Variants in ZFP64 observed in about 807,000 individuals in gnomAD.
ZFP64 encodes ZFP64 zinc finger protein, also known as zinc finger protein 64.
A neutral mutation model predicts 51.6 loss-of-function variants in ZFP64; 14 were observed. The observed-to-expected ratio is 0.27, with a 90% CI of 0.18 to 0.42. The LOEUF is 0.42. Among genes scored for constraint, ZFP64 ranks in the 10% least tolerant of loss-of-function variants. The pLI is 1.00. For missense variants in ZFP64, 754 were observed against 906.8 expected (o/e 0.83, Z 2.16); for synonymous variants, 375 against 361.4 (o/e 1.04, Z -0.43).
chr20:52,183,189 G>A (rs1983733181), intron 2 of ZFP64, among the ~76,000 whole-genome samples: 1 of 152,048 alleles, frequency 6.6e-6, no homozygotes, highest in South Asian at 2.1e-4. Flanking sequence ...ACCCTTTTTT[G>A]TGAAGATTGT....
At chr20:52,096,357 G>A (rs904437288) in intron 7 of ZFP64, among the ~76,000 whole-genome samples, 70 of 152,358 alleles carry the variant, frequency 4.6e-4, no homozygotes, top group Middle Eastern at 3.4e-3. Flanking sequence ...GCGATGCAGA[G>A]AACTACAGCA....
At position 52,163,439 on chromosome 20, in the gene ZFP64, A is replaced by T. The variant is rs143560216; in HGVS notation, c.511+1256T>A. ...TAATAAATATGCTATGGCTTGATGG[A>T]TGAAACTTCAATATATGAAACCCAC... On this transcript the variant is annotated intron_variant, in intron 4 of 5. Coordinates refer to ENST00000216923, the MANE Select transcript of ZFP64 (RefSeq NM_018197.3). 4.3e-3 allele frequency among the ~76,000 whole-genome samples: 662 copies of T among 152,358 alleles called. 8 individuals carry two copies. The highest frequency in any genetic ancestry group is 0.015 in the African/African-American group (627 of 41,588).
At chr20:52,176,869 A>T (rs1028687024) in intron 2 of ZFP64, among the ~76,000 whole-genome samples, 1 of 152,210 alleles carries the variant, frequency 6.6e-6, no homozygotes, top group Non-Finnish European at 1.5e-5. Context: ...TTATGCCTAT[A>T]TCCTTCTAAA....
rs1175890843 is a variant in ZFP64 at position 52,152,988 on chromosome 20, C to A, written c.1204G>T (p.Ala402Ser). The A allele has an allele frequency of 1.2e-6, 2 of 1,613,808 alleles. No homozygotes were observed. Among genetic ancestry groups the A allele is most frequent in the Admixed American group, 1.7e-5 (1 of 60,006 alleles). Residue 402 changes from alanine to serine, a missense_variant, in exon 6 of 6, where the codon GCT (alanine) becomes TCT (serine). Transcript: ENST00000216923. Reference sequence around the variant, plus strand: ...CTGCCGGTGTCCTTCCTCTCTAGAGCCTCAGTCTTAACCATGTCCCCATGG... The same window carrying A: ...CTGCCGGTGTCCTTCCTCTCTAGAGACTCAGTCTTAACCATGTCCCCATGG... The part of the protein sequence containing the change: ...KFHGDMVKTE[A>S]LERKDTGRQS...
At chr20:52,142,300 G>T (rs1045218773) in intron 5 of ZFP64, among the ~76,000 whole-genome samples, 1 of 151,616 alleles carries the variant, frequency 6.6e-6, no homozygotes. Context: ...CTCGGGCGGC[G>T]GAGGTTGCAG....
At chr20:52,113,422 C>CTTTTTTTT (rs936439409) in intron 5 of ZFP64, among the ~76,000 whole-genome samples, 3 of 96,528 alleles carry the variant, frequency 3.1e-5, no homozygotes, top group Admixed American at 1.3e-4. Context: ...GCCAGGAATT[C>CTTTTTTTT]TTTTTTTTTT....
At position 52,191,450 on chromosome 20, in the gene ZFP64, G is replaced by T; in HGVS notation, c.46+141C>A. On this transcript the variant is annotated intron_variant, in intron 1 of 5. Coordinates refer to ENST00000216923, the MANE Select transcript of ZFP64 (RefSeq NM_018197.3). The surrounding 1 kb of genome is among the most constrained non-coding windows in gnomAD (Gnocchi z 4.3). ...GCCCCCTGCACAGCGCGCCCGCCGC[G>T]GTCCCCGAGACGCGGCTCCGAGCCG... is the stretch of plus-strand genomic sequence containing the variant. 9.0e-7 allele frequency: 1 copy of T among 1,111,750 alleles called. No homozygotes were observed. The highest frequency in any genetic ancestry group is 2.3e-5 in the South Asian group (1 of 43,262). The allele number at this position is 1,111,750 out of a possible 1,614,324, so 68.9% of individuals were successfully genotyped here. A position where few individuals can be genotyped will look rare whatever the true frequency, so the allele number is the denominator to read the frequency against.
chr20:52,119,514 T>G (rs1979047235), intron 5 of ZFP64, among the ~76,000 whole-genome samples: 1 of 86,284 alleles, frequency 1.2e-5, no homozygotes, highest in African/African-American at 5.1e-5. Context: ...AGAGTGAGAC[T>G]TCATCTAAAA....
Position 52,151,642 on chromosome 20 carries a change from G to C in ZFP64, c.*504C>G. On this transcript the variant is annotated 3_prime_UTR_variant, in exon 6 of 6. Coordinates refer to ENST00000216923, the MANE Select transcript of ZFP64 (RefSeq NM_018197.3). ...TAAGATTCTACAACAGTTATAATGC[G>C]ACGATTCAGAGGTGGTCTCAAAGTT... is the stretch of plus-strand genomic sequence containing the variant. 3 of 988,734 alleles carry C rather than the reference G, an allele frequency of 3.0e-6. No individual in the cohort carries two copies. The highest frequency in any genetic ancestry group is 9.3e-5 in the South Asian group (2 of 21,584). The allele number at this position is 988,734 out of a possible 1,614,324, so 61.2% of individuals were successfully genotyped here.
intron 1 of ZFP64, among the ~76,000 whole-genome samples, chr20:52,188,647 G>T (rs1172566824): frequency 1.3e-5 from 2 of 151,780 alleles, no homozygotes; most frequent in Non-Finnish European, 2.9e-5. Context: ...ATCATATCAA[G>T]AATTAATACT....
At chr20:52,177,540 C>T (rs6021781) in intron 2 of ZFP64, among the ~76,000 whole-genome samples, 64,659 of 151,724 alleles carry the variant, frequency 0.43, 14,111 homozygotes, top group African/African-American at 0.51. Flanking sequence ...CCTGAGAGAT[C>T]TGATGCCCAA....
chr20:52,086,043 A>C (rs934469530), intron 8 of ZFP64, among the ~76,000 whole-genome samples: 1 of 152,182 alleles, frequency 6.6e-6, no homozygotes, highest in African/African-American at 2.4e-5. Context: ...ATTTTAGTCC[A>C]TCAGCTTCTG....
intron 4 of ZFP64, among the ~76,000 whole-genome samples, chr20:52,162,635 A>T (rs1981916591): frequency 6.6e-6 from 1 of 152,186 alleles, no homozygotes; most frequent in Non-Finnish European, 1.5e-5. Flanking sequence ...TCAAAAAAAC[A>T]AAACAAAAAC....
chr20:52,144,276 G>T (rs1296441199), intron 5 of ZFP64, among the ~76,000 whole-genome samples: 3 of 142,316 alleles, frequency 2.1e-5, no homozygotes, highest in Admixed American at 7.3e-5. Context: ...GCAGGGGAAA[G>T]AAGTATTAAA....
intron 5 of ZFP64, among the ~76,000 whole-genome samples, chr20:52,129,829 G>C (rs1979635836): frequency 6.6e-6 from 1 of 152,196 alleles, no homozygotes; most frequent in Admixed American, 6.5e-5. Context: ...CAGGGATCCT[G>C]CCTGCCCTGT....
chr20:52,112,192 T>C (rs1978633226), intron 5 of ZFP64, among the ~76,000 whole-genome samples: 1 of 152,120 alleles, frequency 6.6e-6, no homozygotes, highest in African/African-American at 2.4e-5. Flanking sequence ...TTTTTCTCAT[T>C]AATAAAATGG....
chr20:52,115,071 G>C (rs1380098315), intron 5 of ZFP64, among the ~76,000 whole-genome samples: 2 of 151,974 alleles, frequency 1.3e-5, no homozygotes, highest in Non-Finnish European at 1.5e-5. Flanking sequence ...CAGGTATGGT[G>C]GTGGGCGCCT....
chr20:52,154,668 T>C (rs1166968107), intron 5 of ZFP64, among the ~76,000 whole-genome samples: 1 of 151,734 alleles, frequency 6.6e-6, no homozygotes. Context: ...TTGAAAAAAA[T>C]GCTTTGTATG....
chr20:52,097,936 T>C (rs993479060), intron 6 of ZFP64, among the ~76,000 whole-genome samples: 5 of 151,736 alleles, frequency 3.3e-5, no homozygotes, highest in Non-Finnish European at 7.4e-5. Context: ...GACATGGTGG[T>C]GCATGCCTGT....
Sources: allele counts gnomAD v4.1 joint callset (sites outside exome capture counted in the v4.1 genomes callset), GRCh38; gene constraint gnomAD v4.1.1; non-coding constraint Gnocchi (gnomAD v3.1); transcripts MANE v1.5; gene names NCBI Gene and HGNC (gene_info 2026-07-23, HGNC 2026-07-21).